Variants in SELPLG observed in about 807,000 individuals in gnomAD.
SELPLG encodes P-selectin glycoprotein ligand 1.
SELPLG carries 2 observed loss-of-function variants against 1.1 expected under a neutral mutation model. The ratio of observed to expected loss-of-function variants is 1.82; its 90% confidence interval spans 0.74 to 5.71. SELPLG has a LOEUF of 5.71. Ranked by LOEUF, SELPLG falls within the 30% of genes most tolerant of loss-of-function variation. SELPLG has a pLI of 0.05. For missense variants in SELPLG, 478 were observed against 524.7 expected, an observed-to-expected ratio of 0.91 and a Z score of 0.87; for synonymous variants, 230 against 221.2, an observed-to-expected ratio of 1.04 and a Z score of -0.35.
intron 1 of SELPLG, among the ~76,000 whole-genome samples, chr12:108,632,293 G>T (rs1042237344): frequency 6.6e-6 from 1 of 152,162 alleles, no homozygotes; most frequent in Non-Finnish European, 1.5e-5. Flanking sequence ...GGCTCTGGGG[G>T]CCTCAAAGTC....
intron 1 of SELPLG, among the ~76,000 whole-genome samples, chr12:108,624,614 C>T (rs772236262): frequency 4.0e-5 from 6 of 151,594 alleles, no homozygotes; most frequent in Non-Finnish European, 8.8e-5. Flanking sequence ...TATTTGTGGA[C>T]AAGACAATCC....
chr12:108,623,307 A>T lies in SELPLG; in HGVS notation c.1001T>A (p.Phe334Tyr), dbSNP rs2031858071. The T allele has an allele frequency of 6.2e-7, 1 of 1,614,232 alleles. No individual in the cohort carries two copies. The highest frequency in any genetic ancestry group is 8.5e-7 in the Non-Finnish European group (1 of 1,180,046). ...CGCCAGCACCACAGTGCACACGAAG[A>T]AGATAGTGGCCACCAGCGCCAAGAT... ...ILILALVATI[F>Y]FVCTVVLAVR... The change falls in exon 2 of 2, where the codon TTC (phenylalanine) becomes TAC (tyrosine). Residue 334 changes from phenylalanine (F) to tyrosine (Y), a missense_variant. Phe to Tyr is a conservative substitution (Grantham distance 22). Coordinates refer to ENST00000550948, the MANE Select transcript of SELPLG (RefSeq NM_003006.4).
intron 1 of SELPLG, 70 bp from the exon 2 acceptor site, chr12:108,624,382 C>T: frequency 7.1e-7 from 1 of 1,416,292 alleles, no homozygotes; most frequent in Non-Finnish European, 9.6e-7. Context: ...CACCCTAGAC[C>T]ACCACCCTCT....
chr12:108,629,203 C>T (rs2032000182), intron 1 of SELPLG, among the ~76,000 whole-genome samples: 1 of 152,150 alleles, frequency 6.6e-6, no homozygotes. Flanking sequence ...ACCTCCTTTC[C>T]TGGGCCCGTC....
intron 1 of SELPLG, among the ~76,000 whole-genome samples, chr12:108,630,030 A>G (rs1181562930): frequency 1.3e-5 from 2 of 152,000 alleles, no homozygotes; most frequent in Admixed American, 1.3e-4. Flanking sequence ...CGGCGGGATC[A>G]CTCCCAGGCC....
At chr12:108,632,813 G>A (rs1180157494) in intron 1 of SELPLG, among the ~76,000 whole-genome samples, 1 of 152,052 alleles carries the variant, frequency 6.6e-6, no homozygotes, top group African/African-American at 2.4e-5. Context: ...ACTGCACCCA[G>A]CCAAATATTC....
Position 108,623,323 on chromosome 12 carries a change from G to A in SELPLG, c.985C>T (p.Leu329=), listed in dbSNP as rs2031858624. The A allele has an allele frequency of 1.2e-6, 2 of 1,614,150 alleles. No individual in the cohort carries two copies. The highest frequency in any genetic ancestry group is 1.7e-5 in the Admixed American group (1 of 60,014). ...QCLLAILILA[L]VATIFFVCTV... is the part of the protein sequence containing the mutation. ...CACACGAAGAAGATAGTGGCCACCA[G>A]CGCCAAGATTAGGATGGCCAGCAGG... The change falls in exon 2 of 2, where the codon CTG becomes TTG. Residue 329 remains leucine, a synonymous_variant. Coordinates refer to ENST00000550948, the MANE Select transcript of SELPLG (RefSeq NM_003006.4).
chr12:108,623,352 T>C lies in SELPLG; in HGVS notation c.956A>G (p.Gln319Arg), dbSNP rs1218562165. ...VGAPDHISVK[Q>R]CLLAILILAL... ...CAAGATTAGGATGGCCAGCAGGCAC[T>C]GCTTCACAGAGATGTGGTCTGGGGC... Residue 319 changes from glutamine to arginine, a missense_variant, in exon 2 of 2, where the codon CAG (glutamine) becomes CGG (arginine). Transcript: ENST00000550948. 1 of 1,614,226 alleles carries C rather than the reference T, an allele frequency of 6.2e-7. No individual in the cohort carries two copies. The highest frequency in any genetic ancestry group is 2.2e-5 in the East Asian group (1 of 44,876).
In SELPLG at chr12:108,631,940, G is replaced by A. The variant is rs1472653999; in HGVS notation, c.-6+1800C>T. On this transcript the variant is annotated intron_variant, in intron 1 of 1. Transcript: ENST00000550948. ...TTCAGCAAAGGAAGCCGAGACACAG[G>A]CCTAGGGTCACCACGAACTCCATGG... 17 of 1,535,358 alleles carry A rather than the reference G, an allele frequency of 1.1e-5. No homozygotes were observed. The East Asian group carries it at 2.9e-4, about 26-fold the overall frequency.
intron 1 of SELPLG, among the ~76,000 whole-genome samples, chr12:108,632,716 A>G (rs1385073245): frequency 1.3e-5 from 2 of 151,970 alleles, no homozygotes; most frequent in Non-Finnish European, 2.9e-5. Flanking sequence ...AGGTTTCACC[A>G]TGTTGCCCAG....
At position 108,631,650 on chromosome 12, in the gene SELPLG, C is replaced by G. The variant is rs375952927; in HGVS notation, c.-6+2090G>C. ...AGTTGAGATTTTTTTGTTACACCCCCCTCCCTACCCTCCACCCCACCAAGA... is the reference window on the plus strand; with the variant it reads ...AGTTGAGATTTTTTTGTTACACCCCGCTCCCTACCCTCCACCCCACCAAGA... On this transcript the variant is annotated intron_variant, in intron 1 of 1. Transcript: ENST00000550948. Among the ~76,000 whole-genome samples the G allele has an allele frequency of 3.3e-5, 5 of 152,098 alleles. No individual in the cohort carries two copies. In the South Asian group the frequency reaches 1.0e-3, roughly 32 times the overall value.
intron 1 of SELPLG, among the ~76,000 whole-genome samples, chr12:108,628,043 T>G (rs949573198): frequency 6.6e-6 from 1 of 152,108 alleles, no homozygotes; most frequent in East Asian, 1.9e-4. Context: ...ATCATGCCAC[T>G]GCACCCCAGC....
In SELPLG at chr12:108,624,043, G is replaced by C. The variant is rs1018628959; in HGVS notation, c.265C>G (p.Arg89Gly). ...ESTTVEPAAR[R>G]STGLDAGGAV... ...CCTCCTGCATCCAGGCCAGTAGAAC[G>C]CCTTGCAGCAGGCTCCACAGTGGTA... is the stretch of plus-strand genomic sequence containing the variant. The change falls in exon 2 of 2, where the codon CGT becomes GGT. Residue 89 changes from arginine to glycine, a missense_variant. Arg to Gly is a moderately radical substitution (Grantham distance 125). Coordinates refer to ENST00000550948, the MANE Select transcript of SELPLG (RefSeq NM_003006.4). 3.1e-6 allele frequency: 5 copies of C among 1,614,226 alleles called. No individual in the cohort carries two copies. The Admixed American group carries it at 8.3e-5, about 27-fold the overall frequency.
At chr12:108,632,556 C>G (rs1268362852) in intron 1 of SELPLG, among the ~76,000 whole-genome samples, 1 of 151,874 alleles carries the variant, frequency 6.6e-6, no homozygotes, top group Non-Finnish European at 1.5e-5. Context: ...ACTCTGCCAC[C>G]CGGGTTGGAG....
At chr12:108,631,399 G>C (rs2032048701) in intron 1 of SELPLG, among the ~76,000 whole-genome samples, 1 of 151,948 alleles carries the variant, frequency 6.6e-6, no homozygotes, top group Non-Finnish European at 1.5e-5. Context: ...ACAGGTGCAT[G>C]CCACCAGACC....
chr12:108,629,755 C>T (rs1322944505), intron 1 of SELPLG, among the ~76,000 whole-genome samples: 2 of 152,144 alleles, frequency 1.3e-5, no homozygotes, highest in Non-Finnish European at 2.9e-5. Context: ...ACCCGAGGCT[C>T]TGAGAGATCT....
intron 1 of SELPLG, among the ~76,000 whole-genome samples, chr12:108,628,490 A>G (rs921080658): frequency 2.0e-5 from 3 of 152,216 alleles, no homozygotes; most frequent in African/African-American, 7.2e-5. Flanking sequence ...GGAAGAAGCC[A>G]TTAGCCTAGA....
chr12:108,625,467 C>T (rs41471245), intron 1 of SELPLG, among the ~76,000 whole-genome samples: 4,573 of 152,304 alleles, frequency 0.03, 248 homozygotes, highest in African/African-American at 0.1. Context: ...AACCTCTCCG[C>T]AAAGACTGGC....
chr12:108,627,985 T>C lies in SELPLG; in HGVS notation c.-5-3673A>G, dbSNP rs574677974. 5.9e-5 allele frequency among the ~76,000 whole-genome samples: 9 copies of C among 152,060 alleles called. No homozygotes were observed. The South Asian group carries it at 1.9e-3, about 32-fold the overall frequency. On this transcript the variant is annotated intron_variant, in intron 1 of 1. Transcript: ENST00000550948. ...GTCCCAGCTACTCAGGAGGCGGAGA[T>C]GGGAGAATTGCTTGAGCCTGGAGAG...
Sources: allele counts gnomAD v4.1 joint callset (sites outside exome capture counted in the v4.1 genomes callset), GRCh38; gene constraint gnomAD v4.1.1; transcripts MANE v1.5; gene names NCBI Gene and HGNC (gene_info 2026-07-23, HGNC 2026-07-21).